DPYD: variants seen among roughly 807,000 people sequenced by gnomAD.
DPYD encodes dihydropyrimidine dehydrogenase [NADP(+)].
In DPYD, 109 loss-of-function variants were observed where a neutral mutation model predicts 116.2. The observed-to-expected ratio is 0.94, with a 90% CI of 0.80 to 1.10. The LOEUF is 1.10. Ranked by LOEUF, DPYD falls within the 50% of genes least tolerant of loss-of-function variation. The pLI is 0.00. For synonymous variants in DPYD, 440 were observed against 432.0 expected (o/e 1.02, Z -0.23); for missense variants, 1,302 against 1,254.5 (o/e 1.04, Z -0.57).
chr1:97,160,379 C>T (rs1570575366), intron 20 of DPYD, among the ~76,000 whole-genome samples: 1 of 202 alleles, frequency 5.0e-3, no homozygotes, highest in South Asian at 0.5. Context: ...TTGGTTATAC[C>T]ATCCTTAACT....
intron 14 of DPYD, among the ~76,000 whole-genome samples, chr1:97,412,721 T>C (rs1001194872): frequency 6.6e-6 from 1 of 152,190 alleles, no homozygotes; most frequent in Non-Finnish European, 1.5e-5. Flanking sequence ...TCAAAGAGCA[T>C]TATAAAATCT....
At chr1:97,830,111 G>C (rs1029170099) in intron 2 of DPYD, among the ~76,000 whole-genome samples, 52 of 152,194 alleles carry the variant, frequency 3.4e-4, no homozygotes, top group Middle Eastern at 3.4e-3. Context: ...GTATTCCATG[G>C]TGTATATGGG....
intron 2 of DPYD, among the ~76,000 whole-genome samples, chr1:97,876,015 T>C (rs1671896117): frequency 6.6e-6 from 1 of 151,998 alleles, no homozygotes; most frequent in African/African-American, 2.4e-5. Flanking sequence ...GGCAAACTGA[T>C]CTCTTTATTC....
chr1:97,579,029 A>C (rs2102202052), intron 10 of DPYD, among the ~76,000 whole-genome samples: 1 of 152,386 alleles, frequency 6.6e-6, no homozygotes, highest in Non-Finnish European at 1.5e-5. Flanking sequence ...AACACTCTTT[A>C]GAGGAAGAAT....
At chr1:97,204,657 T>C (rs1446104319) in intron 19 of DPYD, among the ~76,000 whole-genome samples, 1 of 152,190 alleles carries the variant, frequency 6.6e-6, no homozygotes, top group Admixed American at 6.5e-5. Flanking sequence ...GGGATTGTCC[T>C]GTACCACTAG....
intron 13 of DPYD, among the ~76,000 whole-genome samples, chr1:97,458,315 A>G (rs1376742413): frequency 6.6e-6 from 1 of 152,194 alleles, no homozygotes; most frequent in African/African-American, 2.4e-5. Context: ...AAGAGTCAAG[A>G]GAGGAGTTTT....
At chr1:97,234,072 T>C (rs531175241) in intron 19 of DPYD, among the ~76,000 whole-genome samples, 44 of 152,278 alleles carry the variant, frequency 2.9e-4, no homozygotes, top group Non-Finnish European at 4.6e-4. Context: ...CAATGCTAAG[T>C]AGTGAGAAGT....
In DPYD at chr1:97,177,959, G is replaced by T. The variant is rs1657404642; in HGVS notation, c.2622+15110C>A. On this transcript the variant is annotated intron_variant, in intron 20 of 22. Transcript: ENST00000370192. ...CTCACTGTATCTTCACATGGTGGAA[G>T]GGGCAAGGGATCTCTCTGGGGTCCC... 2.0e-5 allele frequency among the ~76,000 whole-genome samples: 3 copies of T among 152,134 alleles called. No homozygotes were observed. The South Asian group carries it at 6.2e-4, about 32-fold the overall frequency.
chr1:97,192,345 CT>C (rs35600758), intron 20 of DPYD, among the ~76,000 whole-genome samples: 5 of 151,268 alleles, frequency 3.3e-5, no homozygotes, highest in African/African-American at 7.3e-5. Context: ...TACTGCCTCT[CT>C]TTTTTTTAAA....
chr1:97,460,813 C>T (rs574250341), intron 13 of DPYD, among the ~76,000 whole-genome samples: 22 of 151,984 alleles, frequency 1.4e-4, no homozygotes, highest in Non-Finnish European at 2.9e-4. Flanking sequence ...CCAAGGTGGG[C>T]GGATCACCCG....
intron 16 of DPYD, among the ~76,000 whole-genome samples, chr1:97,359,604 G>A (rs1325796462): frequency 6.6e-6 from 1 of 152,156 alleles, no homozygotes; most frequent in Non-Finnish European, 1.5e-5. Flanking sequence ...GACTAACAGT[G>A]GATCTCTCAG....
At chr1:97,420,559 C>G (rs1674525392) in intron 14 of DPYD, among the ~76,000 whole-genome samples, 1 of 152,034 alleles carries the variant, frequency 6.6e-6, no homozygotes, top group Non-Finnish European at 1.5e-5. Context: ...AAATCTCTCA[C>G]TAGTTCTCCA....
At chr1:97,698,052 T>C (rs1355963026) in intron 6 of DPYD, among the ~76,000 whole-genome samples, 1 of 152,048 alleles carries the variant, frequency 6.6e-6, no homozygotes, top group Non-Finnish European at 1.5e-5. Context: ...ATTAAAATGA[T>C]ATTCTAAATC....
At chr1:97,286,983 G>A (rs1364145846) in intron 18 of DPYD, among the ~76,000 whole-genome samples, 1 of 152,222 alleles carries the variant, frequency 6.6e-6, no homozygotes, top group African/African-American at 2.4e-5. Flanking sequence ...TCCATTGGAG[G>A]AGGAGAGGCA....
chr1:97,886,142 T>C (rs1343923873), intron 1 of DPYD, among the ~76,000 whole-genome samples: 1 of 152,002 alleles, frequency 6.6e-6, no homozygotes, highest in African/African-American at 2.4e-5. Context: ...GGAGTGAAGG[T>C]CTATGGCATT....
intron 20 of DPYD, among the ~76,000 whole-genome samples, chr1:97,116,383 G>C (rs942904873): frequency 6.6e-6 from 1 of 152,060 alleles, no homozygotes; most frequent in African/African-American, 2.4e-5. Context: ...GATGTAAAAT[G>C]ACAAATTGGT....
At chr1:97,127,208 G>A (rs973725824) in intron 20 of DPYD, among the ~76,000 whole-genome samples, 3 of 152,278 alleles carry the variant, frequency 2.0e-5, no homozygotes, top group East Asian at 1.9e-4. Context: ...ATTCCAAGCC[G>A]TGAGATGATG....
chr1:97,672,465 C>A (rs544950708), intron 8 of DPYD, among the ~76,000 whole-genome samples: 3 of 151,718 alleles, frequency 2.0e-5, no homozygotes, highest in African/African-American at 7.3e-5. Flanking sequence ...ACAATTACAC[C>A]GAAGTACTTA....
chr1:97,585,609 T>C (rs1456438897), intron 10 of DPYD, among the ~76,000 whole-genome samples: 5 of 152,226 alleles, frequency 3.3e-5, no homozygotes, highest in Non-Finnish European at 7.3e-5. Context: ...CAATGACAAT[T>C]CTTTGTTTTT....
Sources: gnomAD v4.1 joint callset for allele counts (sites outside exome capture counted in the v4.1 genomes callset) on GRCh38, gnomAD v4.1.1 for gene constraint, MANE v1.5 for transcripts, NCBI Gene and HGNC (gene_info 2026-07-23, HGNC 2026-07-21) for gene names.